Variants in BTBD1 observed in about 807,000 individuals in gnomAD.
BTBD1 encodes BTB domain containing 1, also known as BTB/POZ domain-containing protein 1.
BTBD1 carries 34 observed loss-of-function variants against 48.0 expected under a neutral mutation model. The ratio of observed to expected loss-of-function variants is 0.71; its 90% confidence interval spans 0.54 to 0.94. The LOEUF is 0.94. Among genes scored for constraint, BTBD1 ranks in the 40% least tolerant of loss-of-function variants. The probability of loss-of-function intolerance (pLI) is 0.00; values close to 1 mark genes in which losing one functional copy is unlikely to be tolerated. For missense variants in BTBD1, 543 were observed against 625.6 expected, an observed-to-expected ratio of 0.87 and a Z score of 1.41; for synonymous variants, 261 against 242.1, an observed-to-expected ratio of 1.08 and a Z score of -0.72.
intron 2 of BTBD1, among the ~76,000 whole-genome samples, chr15:83,055,340 C>G (rs1365325847): frequency 6.7e-6 from 1 of 150,090 alleles, no homozygotes; most frequent in Non-Finnish European, 1.5e-5. Flanking sequence ...TCACTGCAAC[C>G]TCCACCTCCC....
intron 2 of BTBD1, among the ~76,000 whole-genome samples, chr15:83,055,466 C>G (rs1197460295): frequency 2.0e-5 from 3 of 152,148 alleles, no homozygotes; most frequent in Non-Finnish European, 2.9e-5. Context: ...CCTTGTTGGC[C>G]AGGCTGGTCT....
chr15:83,039,468 T>TCC (rs1272073095), intron 4 of BTBD1, among the ~76,000 whole-genome samples: 3 of 152,020 alleles, frequency 2.0e-5, no homozygotes, highest in Non-Finnish European at 4.4e-5. Context: ...TTGGAGATTT[T>TCC]TTAAAGAACT....
chr15:83,035,920 CTCAT>C (rs1256518942), intron 4 of BTBD1, among the ~76,000 whole-genome samples: 2 of 151,626 alleles, frequency 1.3e-5, no homozygotes, highest in African/African-American at 4.8e-5. Context: ...ACTAATTTCT[CTCAT>C]TCAGTAGTCA....
chr15:83,029,892 C>G (rs1229860797), intron 5 of BTBD1: 1 of 475,000 alleles, frequency 2.1e-6, no homozygotes, highest in African/African-American at 2.0e-5. Context: ...AATCACGTAA[C>G]AGAAGGTCCA....
At chr15:83,050,572 G>A (rs1023630446) in intron 2 of BTBD1, among the ~76,000 whole-genome samples, 1 of 152,018 alleles carries the variant, frequency 6.6e-6, no homozygotes, top group African/African-American at 2.4e-5. Flanking sequence ...GAGGTACAGT[G>A]ACTTGCCTAA....
At chr15:83,047,999 T>C (rs990472772) in intron 3 of BTBD1, among the ~76,000 whole-genome samples, 2 of 152,154 alleles carry the variant, frequency 1.3e-5, no homozygotes, top group East Asian at 1.9e-4. Context: ...GGAGCAAGAC[T>C]GCATGAAAGG....
At position 83,018,081 on chromosome 15, in the gene BTBD1, T is replaced by C; in HGVS notation, c.1435A>G (p.Ile479Val). 1 of 1,604,214 alleles carries C rather than the reference T, an allele frequency of 6.2e-7. No homozygotes were observed. Among genetic ancestry groups the C allele is most frequent in the South Asian group, 1.1e-5 (1 of 89,424 alleles). The change falls in exon 8 of 8, where the codon ATA becomes GTA. Residue 479 changes from isoleucine to valine, a missense_variant. By Grantham distance (29) the Ile-to-Val change is conservative (BLOSUM62 3). Around this residue, in one of 3 missense-constraint regions of BTBD1, gnomAD observed 300 missense variants for 350.0 expected, o/e 0.86. Coordinates refer to ENST00000261721, the MANE Select transcript of BTBD1 (RefSeq NM_025238.4). ...ATAATGCTAAATTATGTATAAAATA[T>C]GATTTCTGGAATTTGTCCATCTTCT... ...SIEDGQIPEI[I>V]FYT
rs755023463 is a variant in BTBD1, at chr15:83,067,056, G to A, written c.96C>T (p.Ser32=). The A allele has an allele frequency of 6.3e-7, 1 of 1,575,336 alleles. No homozygotes were observed. The highest frequency in any genetic ancestry group is 8.6e-7 in the Non-Finnish European group (1 of 1,163,692). ...PAGPPPPPSP[S]SLGPLLPLQR... ...GCAGGGGGAGCAGGGGCCCCAGAGA[G>A]GACGGTGAGGGCGGCGGCGGCGGCC... The change falls in exon 1 of 8, where the codon TCC becomes TCT. Residue 32 remains serine, a synonymous_variant. Transcript: ENST00000261721.
In BTBD1 at chr15:83,040,783, A is replaced by G. The variant is rs181410722; in HGVS notation, c.862+945T>C. Reference sequence around the variant, plus strand: ...GTGATTTAAAGGCAGATAATAGTCAATTATGACCTGGGTAATGAAAACAGG... The same window carrying G: ...GTGATTTAAAGGCAGATAATAGTCAGTTATGACCTGGGTAATGAAAACAGG... On this transcript the variant is annotated intron_variant, in intron 4 of 7. Coordinates refer to ENST00000261721, the MANE Select transcript of BTBD1 (RefSeq NM_025238.4). Among the ~76,000 whole-genome samples the G allele has an allele frequency of 2.8e-3, 430 of 152,166 alleles. 2 individuals carry two copies. The highest frequency in any genetic ancestry group is 1.0e-2 in the South Asian group (48 of 4,816).
chr15:83,043,787 G>A (rs2032815737), intron 3 of BTBD1, among the ~76,000 whole-genome samples: 1 of 152,172 alleles, frequency 6.6e-6, no homozygotes, highest in Non-Finnish European at 1.5e-5. Flanking sequence ...CACAGGAGGT[G>A]CAGGTTTGGG....
chr15:83,020,778 CAA>C lies in BTBD1; in HGVS notation c.1056-18_1056-17del. The C allele has an allele frequency of 6.7e-7, 1 of 1,491,944 alleles. No homozygotes were observed. The highest frequency in any genetic ancestry group is 9.3e-7 in the Non-Finnish European group (1 of 1,075,092). 92.4% of individuals were successfully genotyped at this position (1,491,944 alleles called of 1,614,324 possible). A position where few individuals can be genotyped will look rare whatever the true frequency, so the allele number is the denominator to read the frequency against. ...AACTGTGAATCTGAGAGAAAGAAGC[CAA>C]AAATAAAATATAATTAATCCCATGT... On this transcript the variant is annotated splice_polypyrimidine_tract_variant and intron_variant, in intron 5 of 7. Coordinates refer to ENST00000261721, the MANE Select transcript of BTBD1 (RefSeq NM_025238.4).
intron 5 of BTBD1, among the ~76,000 whole-genome samples, chr15:83,021,303 G>C (rs1232340888): frequency 1.3e-5 from 2 of 152,194 alleles, no homozygotes; most frequent in Non-Finnish European, 1.5e-5. Flanking sequence ...AAGGAAGTAG[G>C]CTACTCTAAC....
At chr15:83,065,872 G>A (rs1343310796) in intron 1 of BTBD1, among the ~76,000 whole-genome samples, 1 of 152,174 alleles carries the variant, frequency 6.6e-6, no homozygotes, top group Non-Finnish European at 1.5e-5. Context: ...TCAAGGGAGG[G>A]ATTCATTTAT....
intron 5 of BTBD1, chr15:83,024,355 G>A (rs1460878168): frequency 1.3e-5 from 2 of 152,092 alleles, no homozygotes; most frequent in African/African-American, 4.8e-5. Flanking sequence ...TGCTTTGTTG[G>A]TAATATCCAC....
chr15:83,053,064 C>G (rs555036662), intron 2 of BTBD1, among the ~76,000 whole-genome samples: 9 of 152,232 alleles, frequency 5.9e-5, no homozygotes, highest in African/African-American at 9.6e-5. Context: ...ATGTCTGTCA[C>G]TCCTTACACA....
chr15:83,064,439 T>C (rs1158890643), intron 1 of BTBD1, among the ~76,000 whole-genome samples: 1 of 152,206 alleles, frequency 6.6e-6, no homozygotes, highest in African/African-American at 2.4e-5. Flanking sequence ...TGCACTGTCC[T>C]ACATTTCAAA....
At chr15:83,066,167 C>T (rs1439630442) in intron 1 of BTBD1, among the ~76,000 whole-genome samples, 1 of 151,956 alleles carries the variant, frequency 6.6e-6, no homozygotes, top group Non-Finnish European at 1.5e-5. Context: ...GGCGTGGTGG[C>T]GCGTGCCTGT....
At chr15:83,031,272 T>A (rs2032509875) in intron 4 of BTBD1, among the ~76,000 whole-genome samples, 1 of 152,228 alleles carries the variant, frequency 6.6e-6, no homozygotes, top group Non-Finnish European at 1.5e-5. Flanking sequence ...ATTTTGCTGA[T>A]GGCCAGTGAT....
intron 3 of BTBD1, among the ~76,000 whole-genome samples, chr15:83,046,474 G>C (rs2032880838): frequency 6.6e-6 from 1 of 152,100 alleles, no homozygotes; most frequent in Non-Finnish European, 1.5e-5. Context: ...AAACAACTGT[G>C]AGTCAAATCA....
Sources: gnomAD v4.1 joint callset for allele counts (sites outside exome capture counted in the v4.1 genomes callset) on GRCh38, gnomAD v4.1.1 for gene constraint, gnomAD v4.1.1 regional missense constraint, MANE v1.5 for transcripts, NCBI Gene and HGNC (gene_info 2026-07-23, HGNC 2026-07-21) for gene names.